LRRC4C: variants seen among roughly 807,000 people sequenced by gnomAD.
LRRC4C encodes the protein leucine-rich repeat-containing protein 4C.
Under a neutral mutation model 33.6 loss-of-function variants are expected in LRRC4C, and 5 were observed. The ratio of observed to expected loss-of-function variants is 0.15; its 90% CI spans 0.08 to 0.31. LRRC4C has a LOEUF of 0.31. Ranked by LOEUF, LRRC4C falls within the 10% of genes least tolerant of loss-of-function variation. The pLI, the probability that LRRC4C is intolerant of heterozygous loss-of-function variation, is 1.00. For synonymous variants in LRRC4C, 329 were observed against 302.0 expected, an observed-to-expected ratio of 1.09 and a Z score of -0.93; for missense variants, 560 against 796.7, an observed-to-expected ratio of 0.70 and a Z score of 3.58.
intron 1 of LRRC4C, among the ~76,000 whole-genome samples, chr11:40,971,001 G>T (rs1319925689): frequency 6.6e-6 from 1 of 152,182 alleles, no homozygotes; most frequent in Admixed American, 6.5e-5. Flanking sequence ...TGTGAGCAAA[G>T]AAATGACCTG....
At chr11:40,346,813 T>C (rs983856805) in intron 3 of LRRC4C, among the ~76,000 whole-genome samples, 1 of 152,214 alleles carries the variant, frequency 6.6e-6, no homozygotes, top group Admixed American at 6.5e-5. Flanking sequence ...AAAATCGTTT[T>C]TTGTTTTCCT....
intron 6 of LRRC4C, among the ~76,000 whole-genome samples, chr11:40,127,021 TATA>T (rs1331860047): frequency 2.0e-5 from 3 of 151,900 alleles, no homozygotes; most frequent in Non-Finnish European, 4.4e-5. Context: ...GGCTCACGCC[TATA>T]ATCCCAGCAC....
intron 2 of LRRC4C, among the ~76,000 whole-genome samples, chr11:40,923,742 G>GA (rs149919946): frequency 0.021 from 3,243 of 152,210 alleles, 48 homozygotes; most frequent in Non-Finnish European, 0.034. Context: ...AAAAATCTGA[G>GA]AAAAAATGTC....
intron 3 of LRRC4C, among the ~76,000 whole-genome samples, chr11:40,583,882 A>C (rs1486839119): frequency 6.6e-6 from 1 of 151,740 alleles, no homozygotes; most frequent in African/African-American, 2.4e-5. Context: ...TGAAATGCAT[A>C]GTTTTAAGGC....
chr11:40,705,340 A>G (rs1417013369), intron 2 of LRRC4C, among the ~76,000 whole-genome samples: 9 of 151,770 alleles, frequency 5.9e-5, no homozygotes, highest in Non-Finnish European at 4.4e-5. Flanking sequence ...ATTTCTCCCA[A>G]CGCTATCCCT....
At chr11:40,913,228 A>C (rs1268019214) in intron 2 of LRRC4C, among the ~76,000 whole-genome samples, 1 of 152,188 alleles carries the variant, frequency 6.6e-6, no homozygotes, top group African/African-American at 2.4e-5. Flanking sequence ...CTCAACCCCA[A>C]ATCAACAGAA....
intron 3 of LRRC4C, among the ~76,000 whole-genome samples, chr11:40,517,667 C>A (rs576360647): frequency 6.6e-6 from 1 of 151,916 alleles, no homozygotes; most frequent in Non-Finnish European, 1.5e-5. Flanking sequence ...TGAAAATGGC[C>A]ATACTGCCCA....
intron 4 of LRRC4C, among the ~76,000 whole-genome samples, chr11:40,303,182 A>T (rs535075145): frequency 1.3e-5 from 2 of 152,262 alleles, no homozygotes; most frequent in East Asian, 3.9e-4. Flanking sequence ...AAATTGGGAA[A>T]CTTGGAGGTT....
At chr11:40,928,135 A>G (rs1309535604) in intron 2 of LRRC4C, among the ~76,000 whole-genome samples, 2 of 151,932 alleles carry the variant, frequency 1.3e-5, no homozygotes, top group East Asian at 3.9e-4. Context: ...TCTAAATCTT[A>G]CACTGTTTTG....
intron 1 of LRRC4C, among the ~76,000 whole-genome samples, chr11:41,042,322 T>C (rs1262875971): frequency 6.6e-6 from 1 of 152,152 alleles, no homozygotes; most frequent in Non-Finnish European, 1.5e-5. Context: ...CAAAGGTCTA[T>C]TTGTCAGTTG....
chr11:40,144,984 C>T (rs931552109), intron 5 of LRRC4C, among the ~76,000 whole-genome samples: 1 of 152,190 alleles, frequency 6.6e-6, no homozygotes, highest in Admixed American at 6.5e-5. Flanking sequence ...CAACTATCAA[C>T]CAGTGTGCTA....
At chr11:40,821,403 C>G (rs890377640) in intron 2 of LRRC4C, among the ~76,000 whole-genome samples, 17 of 151,088 alleles carry the variant, frequency 1.1e-4, no homozygotes, top group African/African-American at 3.9e-4. Context: ...TAATATAAAG[C>G]CACAATAATC....
intron 1 of LRRC4C, among the ~76,000 whole-genome samples, chr11:40,949,012 C>T (rs571576415): frequency 1.3e-3 from 203 of 152,194 alleles, no homozygotes; most frequent in African/African-American, 4.4e-3. Flanking sequence ...TATTTCTCCA[C>T]ATCCTCTCCA....
intron 1 of LRRC4C, among the ~76,000 whole-genome samples, chr11:41,212,029 T>C (rs1401085257): frequency 1.3e-5 from 2 of 152,300 alleles, no homozygotes; most frequent in South Asian, 2.1e-4. Context: ...GGCCAACTAA[T>C]CTTTATATTT....
chr11:40,861,640 C>T (rs764674900), intron 2 of LRRC4C, among the ~76,000 whole-genome samples: 7 of 152,020 alleles, frequency 4.6e-5, no homozygotes, highest in African/African-American at 1.2e-4. Context: ...CAAGAAGGCA[C>T]GGTTATTGTG....
At chr11:41,095,900 C>T (rs1590554522) in intron 1 of LRRC4C, among the ~76,000 whole-genome samples, 1 of 152,044 alleles carries the variant, frequency 6.6e-6, no homozygotes, top group Non-Finnish European at 1.5e-5. Context: ...AATTTTTGCG[C>T]CTAAAACCCA....
At chr11:41,281,307 CTG>C (rs1356416832) in intron 1 of LRRC4C, among the ~76,000 whole-genome samples, 1 of 152,148 alleles carries the variant, frequency 6.6e-6, no homozygotes, top group East Asian at 1.9e-4. Flanking sequence ...GCATCACACT[CTG>C]TGTCTTCTCT....
intron 1 of LRRC4C, among the ~76,000 whole-genome samples, chr11:41,237,799 C>T (rs1948086886): frequency 6.6e-6 from 1 of 152,012 alleles, no homozygotes; most frequent in Non-Finnish European, 1.5e-5. Context: ...TTTTTCACTC[C>T]TATTTATCAC....
At chr11:41,440,665 T>G (rs1302191996) in intron 1 of LRRC4C, among the ~76,000 whole-genome samples, 1 of 152,096 alleles carries the variant, frequency 6.6e-6, no homozygotes, top group African/African-American at 2.4e-5. Flanking sequence ...GTAATCCCCA[T>G]GTGTCACGGG....
Sources: allele counts gnomAD v4.1 joint callset (sites outside exome capture counted in the v4.1 genomes callset), GRCh38; gene constraint gnomAD v4.1.1; transcripts MANE v1.5; gene names NCBI Gene and HGNC (gene_info 2026-07-23, HGNC 2026-07-21).